The following SORBS2 variants were observed in gnomAD, a reference collection of about 807,000 sequenced individuals.
SORBS2 encodes sorbin and SH3 domain containing 2.
A neutral mutation model predicts 97.7 loss-of-function variants in SORBS2; 46 were observed. The observed-to-expected ratio is 0.47, with a 90% CI of 0.37 to 0.60. The LOEUF (loss-of-function observed/expected upper bound fraction) is 0.60. Among genes scored for constraint, SORBS2 ranks in the 20% least tolerant of loss-of-function variants. The pLI, the probability that SORBS2 is intolerant of heterozygous loss-of-function variation, is 0.00. For missense variants in SORBS2, 1,316 were observed against 1,282.3 expected, an observed-to-expected ratio of 1.03 and a Z score of -0.40; for synonymous variants, 476 against 473.4, an observed-to-expected ratio of 1.01 and a Z score of -0.07.
intron 1 of SORBS2, among the ~76,000 whole-genome samples, chr4:185,922,111 A>G (rs1253006379): frequency 6.6e-6 from 1 of 152,220 alleles, no homozygotes; most frequent in Non-Finnish European, 1.5e-5. Flanking sequence ...AATCAGGCAC[A>G]TGGTAGCTGT....
chr4:185,663,104 C>A (rs1383642739), intron 4 of SORBS2, among the ~76,000 whole-genome samples: 1 of 152,184 alleles, frequency 6.6e-6, no homozygotes, highest in East Asian at 1.9e-4. Context: ...TTAAGCATGC[C>A]TGTCTACCCA....
rs370548734 is a variant in SORBS2, at chr4:185,928,086, T to C, written c.-338+28110A>G. Among the ~76,000 whole-genome samples, 55 of 151,302 alleles carry C rather than the reference T, an allele frequency of 3.6e-4. 1 individual carries two copies. Among genetic ancestry groups the C allele is most frequent in the South Asian group, 3.2e-3 (15 of 4,748 alleles). ...CCCATGAGAATATTTAAGTCACTTA[T>C]AGAGGGCAAGAAGAAGCATAGAAAA... is the stretch of plus-strand genomic sequence containing the variant. On this transcript the variant is annotated intron_variant, in intron 1 of 20. Transcript: ENST00000284776.
At chr4:185,806,001 C>T (rs1462586078) in intron 1 of SORBS2, among the ~76,000 whole-genome samples, 1 of 152,228 alleles carries the variant, frequency 6.6e-6, no homozygotes, top group Non-Finnish European at 1.5e-5. Flanking sequence ...GCGTTGCTCT[C>T]TTAAACTTTT....
intron 2 of SORBS2, among the ~76,000 whole-genome samples, chr4:185,753,311 C>T (rs1013052214): frequency 2.0e-5 from 3 of 152,144 alleles, no homozygotes; most frequent in Non-Finnish European, 2.9e-5. Context: ...GCCTGGGAGG[C>T]TCTTTGAAAA....
At chr4:185,689,166 C>A (rs1440091355) in intron 2 of SORBS2, among the ~76,000 whole-genome samples, 1 of 152,152 alleles carries the variant, frequency 6.6e-6, no homozygotes, top group Non-Finnish European at 1.5e-5. Context: ...ATCATGTATG[C>A]ATATCCCTGT....
rs74485729 is a variant in SORBS2 at position 185,663,986 on chromosome 4, T to C, written c.-45-1744A>G. On this transcript the variant is annotated intron_variant, in intron 4 of 20. Transcript: ENST00000284776. ...TCTCCTGCCTCAGCCTCCCGAGTAG[T>C]TGGGACTACAGGCGCCCACCACCAC... 4.7e-3 allele frequency among the ~76,000 whole-genome samples: 704 copies of C among 151,158 alleles called. 3 individuals are homozygous for C. Among genetic ancestry groups the C allele is most frequent in the African/African-American group, 0.013 (540 of 41,188 alleles).
chr4:185,676,546 G>A (rs978803802), intron 4 of SORBS2, among the ~76,000 whole-genome samples: 5 of 152,182 alleles, frequency 3.3e-5, no homozygotes, highest in African/African-American at 1.2e-4. Context: ...TTAAAATTAA[G>A]ATAACTATTC....
intron 1 of SORBS2, among the ~76,000 whole-genome samples, chr4:185,885,867 A>G (rs1178834097): frequency 6.6e-6 from 1 of 152,250 alleles, no homozygotes; most frequent in Non-Finnish European, 1.5e-5. Flanking sequence ...TTATTCATTT[A>G]AGCTTCCATA....
chr4:185,815,436 A>G (rs2099192714), intron 1 of SORBS2, among the ~76,000 whole-genome samples: 1 of 152,168 alleles, frequency 6.6e-6, no homozygotes, highest in Non-Finnish European at 1.5e-5. Context: ...TATAATTCAC[A>G]CTGCTAGTTG....
chr4:185,927,882 C>T (rs1427290135), intron 1 of SORBS2, among the ~76,000 whole-genome samples: 1 of 152,158 alleles, frequency 6.6e-6, no homozygotes, highest in African/African-American at 2.4e-5. Flanking sequence ...CTATCATTTT[C>T]ATCACCAACA....
chr4:185,897,730 G>A (rs1326894664), intron 1 of SORBS2, among the ~76,000 whole-genome samples: 1 of 152,132 alleles, frequency 6.6e-6, no homozygotes, highest in Non-Finnish European at 1.5e-5. Flanking sequence ...CAGCACGAGA[G>A]GGCGTTCAAA....
intron 1 of SORBS2, among the ~76,000 whole-genome samples, chr4:185,851,019 A>G (rs965352249): frequency 4.6e-5 from 7 of 152,154 alleles, no homozygotes; most frequent in African/African-American, 7.2e-5. Flanking sequence ...CTGAGACACC[A>G]ACGGCTTTCC....
intron 2 of SORBS2, among the ~76,000 whole-genome samples, chr4:185,698,971 C>G: frequency 6.6e-6 from 1 of 151,998 alleles, no homozygotes; most frequent in East Asian, 1.9e-4. Flanking sequence ...TGAAATAAGC[C>G]TGCTTATTGT....
intron 12 of SORBS2, among the ~76,000 whole-genome samples, chr4:185,608,549 T>G (rs1408028543): frequency 4.6e-5 from 7 of 152,208 alleles, no homozygotes; most frequent in African/African-American, 1.7e-4. Flanking sequence ...TGATGTATTT[T>G]GGATATAGTA....
At chr4:185,745,301 T>C (rs1490451930) in intron 2 of SORBS2, among the ~76,000 whole-genome samples, 2 of 152,094 alleles carry the variant, frequency 1.3e-5, no homozygotes, top group African/African-American at 4.8e-5. Context: ...ACATGGCCAG[T>C]AAGAACACAA....
At chr4:185,845,897 C>A (rs2099214254) in intron 1 of SORBS2, among the ~76,000 whole-genome samples, 2 of 152,116 alleles carry the variant, frequency 1.3e-5, no homozygotes, top group Admixed American at 1.3e-4. Context: ...AAAACAAAAT[C>A]TGACAATATC....
At chr4:185,604,655 T>G (rs1339810744) in intron 12 of SORBS2, among the ~76,000 whole-genome samples, 4 of 152,198 alleles carry the variant, frequency 2.6e-5, no homozygotes, top group African/African-American at 9.7e-5. Flanking sequence ...AAGTTATATT[T>G]ATGACAAATT....
intron 4 of SORBS2, among the ~76,000 whole-genome samples, chr4:185,672,821 T>C (rs1314659178): frequency 1.3e-5 from 2 of 152,182 alleles, no homozygotes; most frequent in African/African-American, 4.8e-5. Context: ...GGGTATAGCT[T>C]ACAGTGCTTG....
chr4:185,696,171 G>A lies in SORBS2; in HGVS notation c.-197-17349C>T, dbSNP rs1256749492. Among the ~76,000 whole-genome samples, 6 of 152,174 alleles carry A rather than the reference G, an allele frequency of 3.9e-5. No individual in the cohort carries two copies. The East Asian group carries it at 5.8e-4, about 15-fold the overall frequency. ...TTGATAATTTTTTATGAGAATACGC[G>A]GAGTGTTAGTTTTAATTAGACCAAA... On this transcript the variant is annotated intron_variant, in intron 2 of 20. Coordinates refer to the SORBS2 transcript ENST00000284776.
Sources: gnomAD v4.1 joint callset for allele counts (sites outside exome capture counted in the v4.1 genomes callset) on GRCh38, gnomAD v4.1.1 for gene constraint, MANE v1.5 for transcripts, NCBI Gene and HGNC (gene_info 2026-07-23, HGNC 2026-07-21) for gene names.